The following CLSTN1 variants were observed in gnomAD, a reference collection of about 807,000 sequenced individuals.
CLSTN1 encodes the protein calsyntenin 1, also known as calsyntenin-1.
In CLSTN1, 28 loss-of-function variants were observed where a neutral mutation model predicts 108.3. The observed-to-expected ratio is 0.26, with a 90% CI of 0.19 to 0.35. The LOEUF is 0.35. Among genes scored for constraint, CLSTN1 ranks in the 10% least tolerant of loss-of-function variants. The probability of loss-of-function intolerance (pLI) is 1.00; values close to 1 mark genes in which losing one functional copy is unlikely to be tolerated. For missense variants in CLSTN1, 1,157 were observed against 1,302.6 expected, an observed-to-expected ratio of 0.89 and a Z score of 1.72; for synonymous variants, 524 against 534.9, an observed-to-expected ratio of 0.98 and a Z score of 0.28.
intron 16 of CLSTN1, 57 bp downstream of exon 16, chr1:9,733,344 T>TGG: frequency 6.2e-7 from 1 of 1,601,926 alleles, no homozygotes; most frequent in Non-Finnish European, 8.5e-7. Flanking sequence ...GGGCTGCAAA[T>TGG]CAGCGCCCTC....
At chr1:9,805,748 T>TC (rs1287541128) in intron 1 of CLSTN1, among the ~76,000 whole-genome samples, 1 of 150,634 alleles carries the variant, frequency 6.6e-6, no homozygotes, top group African/African-American at 2.5e-5. Context: ...GCGCCTATAG[T>TC]CCCAGCTACT....
intron 7 of CLSTN1, among the ~76,000 whole-genome samples, chr1:9,748,943 T>G (rs567033574): frequency 7.2e-5 from 11 of 152,050 alleles, no homozygotes; most frequent in Non-Finnish European, 1.5e-4. Context: ...CTCACTCTAT[T>G]GCCCAGGGTG....
In CLSTN1 at chr1:9,791,064, G is replaced by A. The variant is rs190604713; in HGVS notation, c.92-17670C>T. ...GGAGAATGGCGTGAACCCGGGAGGC[G>A]GGAGGAGGCAGAACTTGCAGTGAGC... On this transcript the variant is annotated intron_variant, in intron 1 of 18. Transcript: ENST00000377298. 9.0e-3 allele frequency among the ~76,000 whole-genome samples: 1,356 copies of A among 150,224 alleles called. 28 individuals carry two copies. The highest frequency in any genetic ancestry group is 0.031 in the African/African-American group (1,286 of 41,170).
intron 2 of CLSTN1, among the ~76,000 whole-genome samples, chr1:9,768,329 G>A (rs1284682877): frequency 3.4e-5 from 5 of 146,244 alleles, no homozygotes; most frequent in Non-Finnish European, 6.0e-5. Flanking sequence ...CATGGGGGCG[G>A]AGTTCTATGT....
intron 15 of CLSTN1, 62 bp downstream of exon 15, chr1:9,733,910 A>G (rs79566275): frequency 0.013 from 19,213 of 1,512,330 alleles, 173 homozygotes; most frequent in Non-Finnish European, 0.014. Context: ...CAGCCAGCCA[A>G]GAGCTCTCAA....
intron 2 of CLSTN1, among the ~76,000 whole-genome samples, chr1:9,767,181 T>G (rs1255379446): frequency 6.6e-6 from 1 of 152,232 alleles, no homozygotes; most frequent in East Asian, 1.9e-4. Context: ...GTCACGCAGC[T>G]GGCAGACACG....
rs180920242 is a variant in CLSTN1, at chr1:9,818,850, G to A, written c.91+4793C>T. On this transcript the variant is annotated intron_variant, in intron 1 of 18. Transcript: ENST00000377298. ...CGCCCAGGCTGGAGTGCAGTGGCGC[G>A]ATCTCGGCTCACTGCAAGCTCCACC... Among the ~76,000 whole-genome samples, 582 of 137,326 alleles carry A rather than the reference G, an allele frequency of 4.2e-3. 10 individuals carry two copies. The East Asian group carries it at 0.045, about 11-fold the overall frequency. The allele number at this position is 137,326 out of a possible 152,430, so 90.1% of individuals were successfully genotyped here.
chr1:9,750,166 A>C (rs544196317), intron 5 of CLSTN1: 9 of 366,432 alleles, frequency 2.5e-5, no homozygotes, highest in African/African-American at 1.8e-4. Flanking sequence ...ACAGTGTTAC[A>C]TTGGGCTTTA....
intron 1 of CLSTN1, among the ~76,000 whole-genome samples, chr1:9,818,164 T>G (rs1464748787): frequency 1.3e-5 from 2 of 151,788 alleles, no homozygotes; most frequent in African/African-American, 2.4e-5. Flanking sequence ...TATGCCACCA[T>G]GCCCAGCTAA....
chr1:9,795,788 C>T (rs1304828838), intron 1 of CLSTN1, among the ~76,000 whole-genome samples: 1 of 150,868 alleles, frequency 6.6e-6, no homozygotes, highest in Non-Finnish European at 1.5e-5. Flanking sequence ...GACCCTGTAT[C>T]TACAGAAAAA....
Position 9,729,577 on chromosome 1 carries a change from C to T in CLSTN1, c.*931G>A, listed in dbSNP as rs1422001050. Reference sequence around the variant, plus strand: ...AGTGGTCAGCCGGTCTGCAGGACACCTCTCAGTTTCTCCTTTTACCAGCAG... The same window carrying T: ...AGTGGTCAGCCGGTCTGCAGGACACTTCTCAGTTTCTCCTTTTACCAGCAG... On this transcript the variant is annotated 3_prime_UTR_variant, in exon 19 of 19. Transcript: ENST00000377298. The T allele has an allele frequency of 6.6e-6, 1 of 152,622 alleles. No individual in the cohort carries two copies. The highest frequency in any genetic ancestry group is 2.4e-5 in the African/African-American group (1 of 41,448). 9.5% of individuals were successfully genotyped at this position (152,622 alleles called of 1,614,324 possible). A position where few individuals can be genotyped will look rare whatever the true frequency, so the allele number is the denominator to read the frequency against.
At position 9,741,236 on chromosome 1, in the gene CLSTN1, G is replaced by T; in HGVS notation, c.1377C>A (p.His459Gln). The stretch of plus-strand genomic sequence containing the variant: ...GGAATTCTACATTGAGGACGTAGTG[G>T]TGCCATTCCTCATCACAGACCTACA... Reference protein sequence around the residue: ...KLNQVCDEEWHHYVLNVEFPS... With the variant: ...KLNQVCDEEWQHYVLNVEFPS... The change falls in exon 10 of 19, where the codon CAC becomes CAA. Residue 459 changes from histidine (H) to glutamine (Q), a missense_variant. His to Gln is a conservative substitution (Grantham distance 24). Transcript: ENST00000377298. 6.2e-7 allele frequency: 1 copy of T among 1,612,424 alleles called. No individual in the cohort carries two copies. Among genetic ancestry groups the T allele is most frequent in the Non-Finnish European group, 8.5e-7 (1 of 1,178,616 alleles).
In CLSTN1 at chr1:9,733,445, A is replaced by G; in HGVS notation, c.2383T>C (p.Ser795Pro). 2.5e-6 allele frequency: 4 copies of G among 1,614,154 alleles called. No homozygotes were observed. The highest frequency in any genetic ancestry group is 3.4e-6 in the Non-Finnish European group (4 of 1,180,034). The stretch of plus-strand genomic sequence containing the variant: ...CTGATGTAGCGGCCATTCAGCTCTG[A>G]GCAGATGAGCTTAAACTTCCGGTCA... ...LLDRKFKLICSELNGRYISNE... is the reference protein window; with the variant it reads ...LLDRKFKLICPELNGRYISNE... The change falls in exon 16 of 19, where the codon TCA becomes CCA. Residue 795 changes from serine (S) to proline (P), a missense_variant. Ser to Pro is a moderately conservative substitution (Grantham distance 74). Coordinates refer to ENST00000377298, the MANE Select transcript of CLSTN1 (RefSeq NM_001009566.3).
At chr1:9,781,517 C>T (rs989042156) in intron 1 of CLSTN1, among the ~76,000 whole-genome samples, 2 of 151,028 alleles carry the variant, frequency 1.3e-5, no homozygotes, top group Non-Finnish European at 2.9e-5. Context: ...GATCTCGGCT[C>T]ACTGCAATCT....
intron 2 of CLSTN1, among the ~76,000 whole-genome samples, chr1:9,762,460 CAAA>C (rs534167959): frequency 5.0e-5 from 6 of 120,350 alleles, no homozygotes; most frequent in Admixed American, 8.6e-5. Context: ...GACTCTGTCT[CAAA>C]AAAAAAAAAA....
rs749594743 is a variant in CLSTN1, at chr1:9,743,920, TTTC to T, written c.1317_1319del (p.Lys440del). On this transcript the variant is annotated inframe_deletion, in exon 9 of 19. Transcript: ENST00000377298. ...TCCAGTGGAACTCTGCAGGTCTGTATTTCTTCTCCTCAGAAGGATCCTGACGGA... is the reference window on the plus strand; with the variant it reads ...TCCAGTGGAACTCTGCAGGTCTGTATTTCTCCTCAGAAGGATCCTGACGGA... 7 of 1,614,004 alleles carry T rather than the reference TTTC, an allele frequency of 4.3e-6. No homozygotes were observed. In the South Asian group the frequency reaches 6.6e-5, roughly 15 times the overall value.
At chr1:9,748,826 G>C (rs539299429) in intron 7 of CLSTN1, among the ~76,000 whole-genome samples, 8 of 152,196 alleles carry the variant, frequency 5.3e-5, no homozygotes, top group African/African-American at 1.7e-4. Flanking sequence ...CTCATTTCAT[G>C]TAAAACTCAC....
intron 4 of CLSTN1, among the ~76,000 whole-genome samples, chr1:9,754,445 G>C (rs993986799): frequency 1.3e-5 from 2 of 152,104 alleles, no homozygotes; most frequent in African/African-American, 2.4e-5. Context: ...TGTAATCCCA[G>C]CTACTCGGGA....
intron 1 of CLSTN1, among the ~76,000 whole-genome samples, chr1:9,798,258 A>G (rs1654103319): frequency 6.6e-6 from 1 of 152,278 alleles, no homozygotes; most frequent in Admixed American, 6.5e-5. Flanking sequence ...AAGAACTGAA[A>G]ACAGGTACTC....
Sources: gnomAD v4.1 joint callset for allele counts (sites outside exome capture counted in the v4.1 genomes callset) on GRCh38, gnomAD v4.1.1 for gene constraint, MANE v1.5 for transcripts, NCBI Gene and HGNC (gene_info 2026-07-23, HGNC 2026-07-21) for gene names.